CROCC: variants seen among roughly 807,000 people sequenced by gnomAD.
CROCC encodes rootletin.
Under a neutral mutation model 245.2 loss-of-function variants are expected in CROCC, and 180 were observed. That is an observed-to-expected ratio of 0.73 (90% CI 0.65 to 0.83). The LOEUF (loss-of-function observed/expected upper bound fraction) is 0.83. CROCC is among the 40% of genes least tolerant of loss of function. The probability of loss-of-function intolerance (pLI) is 0.00; values close to 1 mark genes in which losing one functional copy is unlikely to be tolerated. For synonymous variants in CROCC, 1,205 were observed against 1,241.6 expected, an observed-to-expected ratio of 0.97 and a Z score of 0.62; for missense variants, 2,688 against 2,779.4, an observed-to-expected ratio of 0.97 and a Z score of 0.74.
At chr1:16,969,368 G>GT (rs776335228) in intron 32 of CROCC, 28 bp downstream of exon 32, 24 of 1,589,806 alleles carry the variant, frequency 1.5e-5, no homozygotes, top group Non-Finnish European at 1.9e-5. Flanking sequence ...TGGCTGGGGT[G>GT]GGCCCAGTGA....
Position 16,936,710 on chromosome 1 carries a change from A to C in CROCC, c.1030A>C (p.Thr344Pro), listed in dbSNP as rs1225855090. Residue 344 changes from threonine to proline, a missense_variant, in exon 9 of 37, where the codon ACG becomes CCG. Physicochemically the swap from Thr to Pro is conservative, Grantham distance 38. Coordinates refer to ENST00000375541, the MANE Select transcript of CROCC (RefSeq NM_014675.5). Reference sequence around the variant, plus strand: ...CCAGGAGGCGGGCCTGGGACTGAGCACGGGCCTACGGCTGGCAGAGAGCCG... The same window carrying C: ...CCAGGAGGCGGGCCTGGGACTGAGCCCGGGCCTACGGCTGGCAGAGAGCCG... ...AVQEAGLGLS[T>P]GLRLAESRAE... 6.2e-7 allele frequency: 1 copy of C among 1,606,264 alleles called. No homozygotes were observed. Among genetic ancestry groups the C allele is most frequent in the African/African-American group, 1.3e-5 (1 of 74,986 alleles).
In CROCC at chr1:16,968,200, CAGG is replaced by C; in HGVS notation, c.4861_4863del (p.Glu1621del). On this transcript the variant is annotated splice_acceptor_variant and coding_sequence_variant, in exon 31 of 37. Transcript: ENST00000375541. LOFTEE classifies it high-confidence loss of function. ...CTGGGCCTGAGCCCCATGCCACCTG[CAGG>C]AGAAGATCAGCAAGATGAAGGCCAA... is the stretch of plus-strand genomic sequence containing the variant. The C allele has an allele frequency of 6.4e-7, 1 of 1,558,830 alleles. No individual in the cohort carries two copies.
intron 13 of CROCC, among the ~76,000 whole-genome samples, chr1:16,942,705 C>A (rs2075958828): frequency 6.6e-6 from 1 of 152,286 alleles, no homozygotes; most frequent in African/African-American, 2.4e-5. Flanking sequence ...AATTCAGGTC[C>A]ATGTGAGAGT....
At chr1:16,923,742 G>T (rs538031601) in intron 2 of CROCC, among the ~76,000 whole-genome samples, 1 of 141,722 alleles carries the variant, frequency 7.1e-6, no homozygotes, top group East Asian at 2.1e-4. Flanking sequence ...GTGCAGTGGC[G>T]CAATCTCAGC....
intron 7 of CROCC, 58 bp from the exon 8 acceptor site, chr1:16,931,233 T>C (rs550441796): frequency 4.8e-5 from 70 of 1,449,196 alleles, no homozygotes; most frequent in Non-Finnish European, 6.3e-5. Flanking sequence ...AGGGAAGCAG[T>C]GGGAGGGAGT....
intron 1 of CROCC, among the ~76,000 whole-genome samples, chr1:16,915,008 A>C (rs1212799870): frequency 5.9e-5 from 9 of 152,360 alleles, no homozygotes; most frequent in East Asian, 1.9e-4. Context: ...GGTTCAGGCA[A>C]GACTCCAGGA....
Position 16,966,755 on chromosome 1 carries a change from T to G in CROCC, c.4860+184T>G, listed in dbSNP as rs1312612798. On this transcript the variant is annotated intron_variant, in intron 30 of 36. Transcript: ENST00000375541. The surrounding 1 kb of genome is among the most constrained non-coding windows in gnomAD (Gnocchi z 4.8). ...ATCCTCTCATGTCACTTGTGGTCAC[T>G]AGGCTGTAGAAAAAAGAGCTTGGTC... Among the ~76,000 whole-genome samples, 1 of 152,178 alleles carries G rather than the reference T, an allele frequency of 6.6e-6. No homozygotes were observed. The highest frequency in any genetic ancestry group is 1.5e-5 in the Non-Finnish European group (1 of 68,024).
chr1:16,956,836 C>T (rs1308349869), intron 25 of CROCC, among the ~76,000 whole-genome samples: 1 of 152,126 alleles, frequency 6.6e-6, no homozygotes, highest in Non-Finnish European at 1.5e-5. Flanking sequence ...GATCTGCAAA[C>T]TCAACAGCAG....
In CROCC at chr1:16,944,242, G is replaced by C; in HGVS notation, c.1951G>C (p.Val651Leu). 1 of 1,552,718 alleles carries C rather than the reference G, an allele frequency of 6.4e-7. No homozygotes were observed. Among genetic ancestry groups the C allele is most frequent in the Non-Finnish European group, 8.7e-7 (1 of 1,148,132 alleles). Residue 651 changes from valine to leucine, a missense_variant, in exon 14 of 37, where the codon GTG (valine) becomes CTG (leucine). Val to Leu is a conservative substitution (Grantham distance 32, BLOSUM62 1). Around this residue, in one of 9 missense-constraint regions of CROCC, gnomAD observed 972 missense variants for 895.3 expected, o/e 1.09. Transcript: ENST00000375541. ...GCTGGAGGAAGAGCAGGAGGACGCA[G>C]TGCAGGATGGCGCGCGGGTGCGCCG... ...DRLEEEQEDA[V>L]QDGARVRREL... is the part of the protein sequence containing the mutation.
chr1:16,968,070 C>T, intron 30 of CROCC, 133 bp from the exon 31 acceptor site: 2 of 842,968 alleles, frequency 2.4e-6, no homozygotes, highest in Non-Finnish European at 3.8e-6. Flanking sequence ...CCAGAGGGTC[C>T]CAGGCCGGCC....
rs2076224627 is a variant in CROCC, at chr1:16,954,917, A to G, written c.3465+40A>G. ...CCCTCTTCCAAGCAGCATACCCTAA[A>G]TGGCACTGTGTGCCTGGGGGCCTAG... is the stretch of plus-strand genomic sequence containing the variant. On this transcript the variant is annotated intron_variant, in intron 23 of 36. Coordinates refer to ENST00000375541, the MANE Select transcript of CROCC (RefSeq NM_014675.5). This position sits in a 1 kb window ranked among gnomAD's most constrained non-coding sequence, Gnocchi z 4.4. 5 of 1,482,008 alleles carry G rather than the reference A, an allele frequency of 3.4e-6. No individual in the cohort carries two copies. The South Asian group carries it at 6.6e-5, about 20-fold the overall frequency. The allele number at this position is 1,482,008 out of a possible 1,614,324, so 91.8% of individuals were successfully genotyped here. A position where few individuals can be genotyped will look rare whatever the true frequency, so the allele number is the denominator to read the frequency against.
Position 16,965,874 on chromosome 1 carries a change from G to A in CROCC, c.4557G>A (p.Arg1519=). Residue 1519 remains arginine, a synonymous_variant, in exon 28 of 37, where the codon CGG becomes CGA. Coordinates refer to ENST00000375541, the MANE Select transcript of CROCC (RefSeq NM_014675.5). ...TCCGGGAATTCCTGCAAGAGCTGCG[G>A]AGTGCCCAGAGAGAACGGGTAAGCC... ...GALREFLQEL[R]SAQRERDELR... 1 of 1,613,510 alleles carries A rather than the reference G, an allele frequency of 6.2e-7. No individual in the cohort carries two copies.
At chr1:16,934,629 T>G (rs2075748491) in intron 8 of CROCC, among the ~76,000 whole-genome samples, 1 of 152,234 alleles carries the variant, frequency 6.6e-6, no homozygotes, top group East Asian at 1.9e-4. Context: ...AACCAAAAAT[T>G]TTAAGTAGCC....
intron 1 of CROCC, 60 bp from the exon 2 acceptor site, chr1:16,922,603 C>G: frequency 6.5e-7 from 1 of 1,535,302 alleles, no homozygotes; most frequent in Non-Finnish European, 8.8e-7. Flanking sequence ...TGGCTCTCCC[C>G]ACGAGGCCAG....
intron 17 of CROCC, among the ~76,000 whole-genome samples, chr1:16,947,856 C>A (rs543286101): frequency 6.6e-6 from 1 of 151,468 alleles, no homozygotes; most frequent in African/African-American, 2.4e-5. Context: ...GTTTTTTTTT[C>A]CAGACAGAGT....
In CROCC at chr1:16,954,191, C is replaced by G. The variant is rs557237592; in HGVS notation, c.3187-32C>G. 1 of 1,591,874 alleles carries G rather than the reference C, an allele frequency of 6.3e-7. No individual in the cohort carries two copies. The highest frequency in any genetic ancestry group is 1.3e-5 in the African/African-American group (1 of 74,526). On this transcript the variant is annotated intron_variant, in intron 21 of 36. Transcript: ENST00000375541. This position sits in a 1 kb window ranked among gnomAD's most constrained non-coding sequence, Gnocchi z 4.4. ...AGCATGCCCCCAGGACCAGCCCATC[C>G]CCCAAGCCCTTTGTCCCCTGCCTCT...
At chr1:16,942,162 C>T (rs1313842848) in intron 13 of CROCC, among the ~76,000 whole-genome samples, 2 of 152,252 alleles carry the variant, frequency 1.3e-5, no homozygotes, top group Admixed American at 6.5e-5. Flanking sequence ...AGGCACACAC[C>T]ACCACGCCTG....
rs1288516776 is a variant in CROCC, at chr1:16,970,519, C to T, written c.5652+66C>T. 2.7e-6 allele frequency: 4 copies of T among 1,491,612 alleles called. No homozygotes were observed. In the Admixed American group the frequency reaches 6.7e-5, roughly 25 times the overall value. 92.4% of individuals were successfully genotyped at this position (1,491,612 alleles called of 1,614,324 possible). A position where few individuals can be genotyped will look rare whatever the true frequency, so the allele number is the denominator to read the frequency against. On this transcript the variant is annotated intron_variant, in intron 34 of 36. Transcript: ENST00000375541. ...CCTAACCGTGGTGGATCCCACTGCA[C>T]ATCCCCAGGGTCTGCTACCTCTGGT...
rs2076215693 is a variant in CROCC, at chr1:16,954,455, A to G, written c.3321+98A>G. The G allele has an allele frequency of 6.8e-7, 1 of 1,465,404 alleles. No individual in the cohort carries two copies. The highest frequency in any genetic ancestry group is 2.3e-5 in the Admixed American group (1 of 43,192). 90.8% of individuals were successfully genotyped at this position (1,465,404 alleles called of 1,614,324 possible). Reference sequence around the variant, plus strand: ...GGGCGGCATGGCCCTGTCCTGGAGAAGCTTCCAGGCTGTGGGAAAGGAGGT... The same window carrying G: ...GGGCGGCATGGCCCTGTCCTGGAGAGGCTTCCAGGCTGTGGGAAAGGAGGT... On this transcript the variant is annotated intron_variant, in intron 22 of 36. Coordinates refer to ENST00000375541, the MANE Select transcript of CROCC (RefSeq NM_014675.5). The surrounding 1 kb of genome is among the most constrained non-coding windows in gnomAD (Gnocchi z 4.4).
Sources: allele counts gnomAD v4.1 joint callset (sites outside exome capture counted in the v4.1 genomes callset), GRCh38; gene constraint gnomAD v4.1.1; regional missense constraint gnomAD v4.1.1; non-coding constraint Gnocchi (gnomAD v3.1); transcripts MANE v1.5; gene names NCBI Gene and HGNC (gene_info 2026-07-23, HGNC 2026-07-21).